The following ADGRF3 variants were observed in gnomAD, a reference collection of about 807,000 sequenced individuals.
ADGRF3 encodes adhesion G protein-coupled receptor F3, also known as G protein-coupled receptor 113.
A neutral mutation model predicts 93.2 loss-of-function variants in ADGRF3; 85 were observed. The observed-to-expected ratio is 0.91, with a 90% CI of 0.77 to 1.09. The LOEUF (loss-of-function observed/expected upper bound fraction) is 1.09, where lower values mean the gene tolerates loss of function less well. Among genes scored for constraint, ADGRF3 ranks in the 50% least tolerant of loss-of-function variants. The pLI, the probability that ADGRF3 is intolerant of heterozygous loss-of-function variation, is 0.00. For synonymous variants in ADGRF3, 534 were observed against 532.5 expected (o/e 1.00, Z -0.04); for missense variants, 1,125 against 1,246.2 (o/e 0.90, Z 1.46).
chr2:26,314,391 T>G (rs1674467012), intron 6 of ADGRF3, 23 bp downstream of exon 6: 1 of 1,599,724 alleles, frequency 6.3e-7, no homozygotes, highest in Admixed American at 1.7e-5. Flanking sequence ...CTCTGACCCC[T>G]GACTGCTGGC....
At chr2:26,315,133 G>A (rs183963036) in intron 5 of ADGRF3, among the ~76,000 whole-genome samples, 4 of 152,288 alleles carry the variant, frequency 2.6e-5, no homozygotes, top group Admixed American at 2.6e-4. Context: ...TCTCGTGATG[G>A]CCCTGTAGCC....
rs397956287 is a variant in ADGRF3, at chr2:26,335,652, T to TC, written c.114+10468dup. 4.2e-4 allele frequency among the ~76,000 whole-genome samples: 63 copies of TC among 150,248 alleles called. 1 individual carries two copies. Among genetic ancestry groups the TC allele is most frequent in the African/African-American group, 1.4e-3 (59 of 40,996 alleles). On this transcript the variant is annotated intron_variant, in intron 1 of 13. Transcript: ENST00000651242. ...ATCCTTGCCAACGCTGTTTTTTTTT[T>TC]CCCATTTTTTTACATTCACTTATTT...
chr2:26,338,862 G>T lies in ADGRF3; in HGVS notation c.114+7259C>A, dbSNP rs183957277. On this transcript the variant is annotated intron_variant, in intron 1 of 13. Coordinates refer to ENST00000651242, the MANE Select transcript of ADGRF3 (RefSeq NM_001321971.2). ...AAAAGAAAATGAAGTTGTTGGCTGG[G>T]TGCGGTGGCTCACGCCTGTAATCCC... Among the ~76,000 whole-genome samples, 4 of 152,192 alleles carry T rather than the reference G, an allele frequency of 2.6e-5. No homozygotes were observed. In the East Asian group the frequency reaches 7.7e-4, roughly 29 times the overall value.
At position 26,315,725 on chromosome 2, in the gene ADGRF3, T is replaced by A. The variant is rs1674591205; in HGVS notation, c.515A>T (p.Asn172Ile). 3.2e-6 allele frequency: 5 copies of A among 1,551,092 alleles called. No individual in the cohort carries two copies. In the African/African-American group the frequency reaches 6.9e-5, roughly 21 times the overall value. Reference sequence around the variant, plus strand: ...AGGCATCTGCAGCTGGGAGTTCAGGTTGAGGATCCCGGGGACTGCAGGGAG... The same window carrying A: ...AGGCATCTGCAGCTGGGAGTTCAGGATGAGGATCCCGGGGACTGCAGGGAG... ...QLLPPVPGIL[N>I]LNSQLQMPGD... Residue 172 changes from asparagine (N) to isoleucine (I), a missense_variant, in exon 5 of 14, where the codon AAC becomes ATC. Asn to Ile is a moderately radical substitution (Grantham distance 149). Coordinates refer to ENST00000651242, the MANE Select transcript of ADGRF3 (RefSeq NM_001321971.2).
rs757627841 is a variant in ADGRF3, at chr2:26,313,338, C to T, written c.1269+39G>A. On this transcript the variant is annotated intron_variant, in intron 8 of 13. Transcript: ENST00000651242. ...GGGTCCTAGAGAGGCTAGGGTGGGC[C>T]GTGGAGGGGGCACGTGGGCAGCAGG... is the stretch of plus-strand genomic sequence containing the variant. The T allele has an allele frequency of 9.2e-6, 14 of 1,515,160 alleles. 1 individual carries two copies. Among genetic ancestry groups the T allele is most frequent in the South Asian group, 5.2e-5 (4 of 76,664 alleles). The allele number at this position is 1,515,160 out of a possible 1,614,324, so 93.9% of individuals were successfully genotyped here. A position where few individuals can be genotyped will look rare whatever the true frequency, so the allele number is the denominator to read the frequency against.
intron 1 of ADGRF3, 101 bp downstream of exon 1, chr2:26,346,020 G>A (rs751522072): frequency 6.3e-6 from 8 of 1,260,754 alleles, no homozygotes; most frequent in Non-Finnish European, 8.7e-6. Context: ...ACCCCCCCTC[G>A]ATGGGCGGGG....
Position 26,346,354 on chromosome 2 carries a change from G to A in ADGRF3, c.-120C>T. On this transcript the variant is annotated 5_prime_UTR_variant, in exon 1 of 14. Coordinates refer to ENST00000651242, the MANE Select transcript of ADGRF3 (RefSeq NM_001321971.2). ...CCTCGCCCAGGCGGCTGAGGGGCCC[G>A]CGCGGCGCGGTCCGTGTCACCTTGT... 2 of 1,524,616 alleles carry A rather than the reference G, an allele frequency of 1.3e-6. No homozygotes were observed. The highest frequency in any genetic ancestry group is 1.8e-6 in the Non-Finnish European group (2 of 1,135,570). The allele number at this position is 1,524,616 out of a possible 1,614,324, so 94.4% of individuals were successfully genotyped here.
chr2:26,330,786 T>C (rs1675726652), intron 1 of ADGRF3, among the ~76,000 whole-genome samples: 1 of 152,210 alleles, frequency 6.6e-6, no homozygotes, highest in Non-Finnish European at 1.5e-5. Context: ...GAGGTTGCCT[T>C]GAGTTCAGGC....
chr2:26,340,026 A>C (rs1676281045), intron 1 of ADGRF3, among the ~76,000 whole-genome samples: 1 of 152,202 alleles, frequency 6.6e-6, no homozygotes, highest in South Asian at 2.1e-4. Context: ...AGTTTTGGTT[A>C]ATCAAATCAT....
rs1673766056 is a variant in ADGRF3, at chr2:26,308,751, C to G, written c.*335G>C. 2 of 288,864 alleles carry G rather than the reference C, an allele frequency of 6.9e-6. No homozygotes were observed. The highest frequency in any genetic ancestry group is 4.3e-5 in the African/African-American group (2 of 46,172). 17.9% of individuals were successfully genotyped at this position (288,864 alleles called of 1,614,324 possible). A position where few individuals can be genotyped will look rare whatever the true frequency, so the allele number is the denominator to read the frequency against. On this transcript the variant is annotated 3_prime_UTR_variant, in exon 14 of 14. Coordinates refer to ENST00000651242, the MANE Select transcript of ADGRF3 (RefSeq NM_001321971.2). The stretch of plus-strand genomic sequence containing the variant: ...ACCATTTTTATCAAATATATTCATT[C>G]ACAACATGTATTGTTGTAGTTAAAA...
In ADGRF3 at chr2:26,310,758, C is replaced by T. The variant is rs761976222; in HGVS notation, c.2766G>A (p.Leu922=). ...PIFGLTWGLG[L]ATLLEEVSTV... ...TGGAGACTTCCTCTAACAGAGTGGC[C>T]AGGCCCAGCCCCCAGGTGAGGCCAA... is the stretch of plus-strand genomic sequence containing the variant. The change falls in exon 10 of 14, where the codon CTG becomes CTA. Residue 922 remains leucine (L), a synonymous_variant. Coordinates refer to ENST00000651242, the MANE Select transcript of ADGRF3 (RefSeq NM_001321971.2). The T allele has an allele frequency of 3.1e-6, 5 of 1,613,364 alleles. No homozygotes were observed. In the South Asian group the frequency reaches 5.5e-5, roughly 18 times the overall value.
chr2:26,315,591 G>C lies in ADGRF3; in HGVS notation c.649C>G (p.Gln217Glu). ...CCGTGGCTGGAAGTCACAGACACCT[G>C]TGTCCCTGGCTGCAGGAGGATGGGA... ...PSPILLQPGT[Q>E]VSVTSSHGQA... The change falls in exon 5 of 14, where the codon CAG (glutamine) becomes GAG (glutamate). Residue 217 changes from glutamine (Q) to glutamate (E), a missense_variant. Gln to Glu is a conservative substitution (Grantham distance 29). Coordinates refer to ENST00000651242, the MANE Select transcript of ADGRF3 (RefSeq NM_001321971.2). 12 of 1,551,648 alleles carry C rather than the reference G, an allele frequency of 7.7e-6. No individual in the cohort carries two copies. Among genetic ancestry groups the C allele is most frequent in the Non-Finnish European group, 1.0e-5 (12 of 1,147,000 alleles).
chr2:26,335,043 C>T (rs1239936669), intron 1 of ADGRF3, among the ~76,000 whole-genome samples: 2 of 152,106 alleles, frequency 1.3e-5, no homozygotes, highest in Non-Finnish European at 2.9e-5. Context: ...TCAATTTCCC[C>T]TTTTTAAAAA....
intron 3 of ADGRF3, among the ~76,000 whole-genome samples, 191 bp from the exon 4 acceptor site, chr2:26,316,639 C>T (rs1157831840): frequency 2.6e-5 from 4 of 152,108 alleles, no homozygotes; most frequent in Admixed American, 1.3e-4. Context: ...GCAGATGTCT[C>T]GGGGGCCAGG....
intron 3 of ADGRF3, 28 bp from the exon 4 acceptor site, chr2:26,316,476 G>T: frequency 6.5e-7 from 1 of 1,546,374 alleles, no homozygotes; most frequent in Non-Finnish European, 8.7e-7. Flanking sequence ...AGAGGGGGTG[G>T]GCAGGCTGTC....
chr2:26,342,034 C>T (rs1482793132), intron 1 of ADGRF3, among the ~76,000 whole-genome samples: 1 of 150,802 alleles, frequency 6.6e-6, no homozygotes, highest in African/African-American at 2.4e-5. Context: ...TATTGCGCCA[C>T]TGCACTCCAG....
intron 1 of ADGRF3, among the ~76,000 whole-genome samples, chr2:26,342,327 T>C (rs931635541): frequency 6.6e-6 from 1 of 152,170 alleles, no homozygotes; most frequent in Non-Finnish European, 1.5e-5. Context: ...GTATAAGGCA[T>C]TCATTTTTAT....
intron 1 of ADGRF3, among the ~76,000 whole-genome samples, chr2:26,332,568 C>T (rs143020685): frequency 1.8e-4 from 27 of 152,112 alleles, no homozygotes; most frequent in African/African-American, 6.0e-4. Flanking sequence ...GGTGAAACCC[C>T]GTCTCTACAA....
intron 1 of ADGRF3, among the ~76,000 whole-genome samples, chr2:26,333,043 T>C (rs1424066197): frequency 6.6e-6 from 1 of 152,150 alleles, no homozygotes; most frequent in Non-Finnish European, 1.5e-5. Context: ...CCACAGGTAT[T>C]CATCAACACT....
Sources: allele counts gnomAD v4.1 joint callset (sites outside exome capture counted in the v4.1 genomes callset), GRCh38; gene constraint gnomAD v4.1.1; transcripts MANE v1.5; gene names NCBI Gene and HGNC (gene_info 2026-07-23, HGNC 2026-07-21).